TULP4: variants seen among roughly 807,000 people sequenced by gnomAD.
TULP4 encodes the protein TUB like protein 4, also known as tubby-related protein 4.
A neutral mutation model predicts 129.0 loss-of-function variants in TULP4; 16 were observed. The ratio of observed to expected loss-of-function variants is 0.12; its 90% confidence interval spans 0.08 to 0.19. The LOEUF (loss-of-function observed/expected upper bound fraction) is 0.19. Among genes scored for constraint, TULP4 ranks in the 10% least tolerant of loss-of-function variants. The probability of loss-of-function intolerance (pLI) is 1.00; values close to 1 mark genes in which losing one functional copy is unlikely to be tolerated. For synonymous variants in TULP4, 998 were observed against 854.0 expected (o/e 1.17, Z -2.94); for missense variants, 1,842 against 2,059.1 (o/e 0.89, Z 2.04).
At chr6:158,298,856 C>T (rs1025863988) in intron 1 of TULP4, among the ~76,000 whole-genome samples, 3 of 152,124 alleles carry the variant, frequency 2.0e-5, no homozygotes, top group Non-Finnish European at 4.4e-5. Context: ...ATCCTAGGTG[C>T]CCGGGGATGC....
intron 1 of TULP4, among the ~76,000 whole-genome samples, chr6:158,294,280 A>G (rs827871): frequency 0.13 from 20,144 of 151,604 alleles, 1,692 homozygotes; most frequent in African/African-American, 0.23. Context: ...GGAGAATCGC[A>G]TGAACCTGGG....
intron 6 of TULP4, among the ~76,000 whole-genome samples, chr6:158,472,089 C>A (rs999338907): frequency 3.3e-5 from 5 of 152,202 alleles, no homozygotes; most frequent in Non-Finnish European, 7.3e-5. Context: ...AGCTCAGTCA[C>A]GTTTTCTTTT....
chr6:158,427,471 C>CTTTTTTTTTTTTTTTTTTT lies in TULP4; in HGVS notation c.382-2242_382-2224dup, dbSNP rs557678837. Among the ~76,000 whole-genome samples, 19 of 74,136 alleles carry CTTTTTTTTTTTTTTTTTTT rather than the reference C, an allele frequency of 2.6e-4. 3 individuals carry two copies. The highest frequency in any genetic ancestry group is 4.2e-4 in the East Asian group (1 of 2,376). 48.6% of individuals were successfully genotyped at this position (74,136 alleles called of 152,430 possible). Reference sequence around the variant, plus strand: ...AAATTCCTTTTCAAAATTATCAGACCTTTTTTTTTTTTTTTTTTTTTTTTT... The same window carrying CTTTTTTTTTTTTTTTTTTT: ...AAATTCCTTTTCAAAATTATCAGACCTTTTTTTTTTTTTTTTTTTTTTTTTTTTTTTTTTTTTTTTTTTT... On this transcript the variant is annotated intron_variant, in intron 2 of 13. Transcript: ENST00000367097.
chr6:158,249,799 A>G (rs73586759), intron 1 of TULP4, among the ~76,000 whole-genome samples: 4,804 of 152,278 alleles, frequency 0.032, 257 homozygotes, highest in African/African-American at 0.11. Context: ...GCTCAATTAC[A>G]TTGCTATATG....
At chr6:158,279,117 T>G (rs1778701617), upstream of TULP4, among the ~76,000 whole-genome samples, 1 of 151,538 alleles carries the variant, frequency 6.6e-6, no homozygotes, top group African/African-American at 2.4e-5. Context: ...TTTTTTTTTG[T>G]ATTTTTAGTA....
chr6:158,450,566 C>T (rs958736894), intron 4 of TULP4, among the ~76,000 whole-genome samples: 1 of 152,056 alleles, frequency 6.6e-6, no homozygotes, highest in African/African-American at 2.4e-5. Context: ...TCCTAGCACC[C>T]ATAAAGCAAT....
upstream of TULP4, among the ~76,000 whole-genome samples, chr6:158,308,517 T>G (rs1164608762): frequency 1.3e-5 from 2 of 151,834 alleles, no homozygotes; most frequent in African/African-American, 2.4e-5. Flanking sequence ...AGCTGTTGGG[T>G]ACACCTCCCA....
intron 1 of TULP4, among the ~76,000 whole-genome samples, chr6:158,339,021 T>C (rs1780111651): frequency 6.6e-6 from 1 of 152,156 alleles, no homozygotes; most frequent in African/African-American, 2.4e-5. Flanking sequence ...GTCTTGCACT[T>C]GGGAAAAAGA....
At chr6:158,473,482 C>T (rs1206184463) in intron 6 of TULP4, among the ~76,000 whole-genome samples, 4 of 152,214 alleles carry the variant, frequency 2.6e-5, no homozygotes, top group African/African-American at 9.6e-5. Flanking sequence ...CTCCAACCAA[C>T]GTAGTTTGAC....
At chr6:158,245,017 TCTTA>T (rs1295890510) in intron 1 of TULP4, among the ~76,000 whole-genome samples, 2 of 152,036 alleles carry the variant, frequency 1.3e-5, no homozygotes, top group African/African-American at 2.4e-5. Flanking sequence ...GGAGACAGGG[TCTTA>T]CTTTGTCACC....
At chr6:158,340,866 G>A (rs112012939) in intron 1 of TULP4, among the ~76,000 whole-genome samples, 1,959 of 152,276 alleles carry the variant, frequency 0.013, 45 homozygotes, top group African/African-American at 0.045. Flanking sequence ...GAGCCTTTGT[G>A]GGATTGCTGA....
At chr6:158,296,948 C>T (rs1040758772) in intron 1 of TULP4, among the ~76,000 whole-genome samples, 1 of 152,214 alleles carries the variant, frequency 6.6e-6, no homozygotes, top group Admixed American at 6.5e-5. Context: ...TTCAGCAGTG[C>T]ACGTATTATC....
intron 1 of TULP4, among the ~76,000 whole-genome samples, chr6:158,298,918 T>C (rs778007559): frequency 4.6e-5 from 7 of 152,100 alleles, no homozygotes; most frequent in Non-Finnish European, 7.4e-5. Context: ...ATAATGCCAA[T>C]TGGAGTCCCA....
chr6:158,449,488 T>G (rs1194647287), intron 4 of TULP4, among the ~76,000 whole-genome samples: 1 of 152,076 alleles, frequency 6.6e-6, no homozygotes, highest in Non-Finnish European at 1.5e-5. Flanking sequence ...GGGGCTTAGC[T>G]GCTTAGTGAC....
intron 1 of TULP4, among the ~76,000 whole-genome samples, chr6:158,391,173 C>A (rs1777576641): frequency 1.3e-5 from 2 of 152,110 alleles, no homozygotes; most frequent in South Asian, 4.1e-4. Context: ...GGATTTCTTT[C>A]TTATACAGTG....
At chr6:158,416,629 T>G (rs1361344117) in intron 2 of TULP4, among the ~76,000 whole-genome samples, 2 of 152,196 alleles carry the variant, frequency 1.3e-5, no homozygotes, top group Admixed American at 6.5e-5. Flanking sequence ...AAGCTAAGGT[T>G]AATTCATTAT....
intron 2 of TULP4, among the ~76,000 whole-genome samples, chr6:158,423,135 G>GGGGAA: frequency 8.0e-6 from 1 of 124,346 alleles, no homozygotes; most frequent in Non-Finnish European, 1.8e-5. Context: ...GGGGGGGGGG[G>GGGGAA]AAAGAAACCT....
chr6:158,307,215 AT>A (rs1241978092), intron 1 of TULP4, among the ~76,000 whole-genome samples: 1 of 152,168 alleles, frequency 6.6e-6, no homozygotes, highest in African/African-American at 2.4e-5. Flanking sequence ...AGGTTCTCAT[AT>A]TTGCTTCTAC....
chr6:158,340,452 G>A (rs189631528), intron 1 of TULP4, among the ~76,000 whole-genome samples: 63 of 152,158 alleles, frequency 4.1e-4, no homozygotes, highest in Admixed American at 2.0e-3. Flanking sequence ...CAGGGTGAGC[G>A]TGTGTGGGTG....
Sources: allele counts gnomAD v4.1 joint callset (sites outside exome capture counted in the v4.1 genomes callset), GRCh38; gene constraint gnomAD v4.1.1; transcripts MANE v1.5; gene names NCBI Gene and HGNC (gene_info 2026-07-23, HGNC 2026-07-21).